The following CLCN3 variants were observed in gnomAD, a reference collection of about 807,000 sequenced individuals.
The protein encoded by CLCN3 is H(+)/Cl(-) exchange transporter 3.
Under a neutral mutation model 83.4 loss-of-function variants are expected in CLCN3, and 16 were observed. That is an observed-to-expected ratio of 0.19 (90% confidence interval 0.13 to 0.29). The LOEUF (loss-of-function observed/expected upper bound fraction) is 0.29. CLCN3 is among the 10% of genes least tolerant of loss of function. The pLI is 1.00. For synonymous variants in CLCN3, 322 were observed against 346.2 expected (o/e 0.93, Z 0.78); for missense variants, 544 against 1,006.0 (o/e 0.54, Z 6.21).
At chr4:169,712,563 T>G (rs771552428) in intron 11 of CLCN3, among the ~76,000 whole-genome samples, 1 of 152,180 alleles carries the variant, frequency 6.6e-6, no homozygotes, top group Non-Finnish European at 1.5e-5. Context: ...TCTAGAAAAT[T>G]ATACTTTAAC....
intron 2 of CLCN3, among the ~76,000 whole-genome samples, chr4:169,661,671 G>A (rs576480326): frequency 6.6e-6 from 1 of 152,122 alleles, no homozygotes; most frequent in Non-Finnish European, 1.5e-5. Context: ...CTCTTACAGA[G>A]TTACCTTCTT....
rs773618410 is a variant in CLCN3 at position 169,704,204 on chromosome 4, C to T, written c.1750+20C>T. 54 of 1,600,172 alleles carry T rather than the reference C, an allele frequency of 3.4e-5. No homozygotes were observed. The highest frequency in any genetic ancestry group is 4.1e-5 in the Non-Finnish European group (48 of 1,170,560). On this transcript the variant is annotated intron_variant, in intron 10 of 12. Transcript: ENST00000513761. ...GCTTAGGTAATATGGCTGTGTCTGC[C>T]TGTGTGTGGATGTTTGCAAGTCTGA... is the stretch of plus-strand genomic sequence containing the variant.
intron 10 of CLCN3, 47 bp from the exon 11 acceptor site, chr4:169,706,818 AATG>A: frequency 6.7e-7 from 1 of 1,492,292 alleles, no homozygotes; most frequent in East Asian, 2.3e-5. Flanking sequence ...AATAAAATGT[AATG>A]ATGAGGATCC....
At chr4:169,671,783 G>T (rs970364645) in intron 2 of CLCN3, among the ~76,000 whole-genome samples, 4 of 152,194 alleles carry the variant, frequency 2.6e-5, no homozygotes, top group African/African-American at 9.6e-5. Context: ...CAAGAAAATA[G>T]CATGGACTAA....
At chr4:169,691,289 T>C (rs967982796) in intron 6 of CLCN3, among the ~76,000 whole-genome samples, 14 of 152,272 alleles carry the variant, frequency 9.2e-5, no homozygotes, top group African/African-American at 3.4e-4. Context: ...AGTGCTGGGA[T>C]TACAGGTGTG....
Position 169,713,253 on chromosome 4 carries a change from T to C in CLCN3, c.2324T>C (p.Phe775Ser), listed in dbSNP as rs759355995. ...HTPMEIVVDIFRKLGLRQCLV... is the reference protein window; with the variant it reads ...HTPMEIVVDISRKLGLRQCLV... ...CCAATGGAGATCGTGGTGGATATTT[T>C]CCGAAAGCTGGGACTGAGGCAGTGC... Residue 775 changes from phenylalanine to serine, a missense_variant, in exon 12 of 13, where the codon TTC becomes TCC. By Grantham distance (155) the Phe-to-Ser change is radical. Coordinates refer to ENST00000513761, the MANE Select transcript of CLCN3 (RefSeq NM_001829.4). 1 of 1,614,150 alleles carries C rather than the reference T, an allele frequency of 6.2e-7. No homozygotes were observed. The highest frequency in any genetic ancestry group is 8.5e-7 in the Non-Finnish European group (1 of 1,180,006).
intron 2 of CLCN3, among the ~76,000 whole-genome samples, chr4:169,669,248 T>G (rs1731368667): frequency 6.6e-6 from 1 of 152,124 alleles, no homozygotes; most frequent in African/African-American, 2.4e-5. Flanking sequence ...ATCGTAAAAA[T>G]TAACTGGAAA....
At chr4:169,654,793 G>A (rs1174412039) in intron 2 of CLCN3, among the ~76,000 whole-genome samples, 1 of 152,094 alleles carries the variant, frequency 6.6e-6, no homozygotes, top group Non-Finnish European at 1.5e-5. Flanking sequence ...TTTTGTAAAT[G>A]TTCCATGTAT....
intron 1 of CLCN3, among the ~76,000 whole-genome samples, chr4:169,626,715 C>T (rs1224916227): frequency 6.6e-6 from 1 of 152,188 alleles, no homozygotes; most frequent in Admixed American, 6.5e-5. Context: ...CAGTGGCTTA[C>T]CTCTGTAATC....
chr4:169,708,924 A>T (rs1441479497), intron 11 of CLCN3, among the ~76,000 whole-genome samples: 2 of 149,488 alleles, frequency 1.3e-5, no homozygotes, highest in Non-Finnish European at 3.0e-5. Flanking sequence ...ACAGACCTGT[A>T]TATTAAGTTT....
At chr4:169,641,340 A>C (rs1464277050) in intron 2 of CLCN3, among the ~76,000 whole-genome samples, 1 of 152,222 alleles carries the variant, frequency 6.6e-6, no homozygotes, top group East Asian at 1.9e-4. Flanking sequence ...ATCTTGGGGC[A>C]TGTGATAACT....
At chr4:169,717,675 A>G (rs1733476352) in intron 12 of CLCN3, 1 of 580,566 alleles carries the variant, frequency 1.7e-6, no homozygotes, top group Non-Finnish European at 3.0e-6. Context: ...TCTAAAGTTC[A>G]TGAGACTCAT....
chr4:169,689,338 A>AT, intron 5 of CLCN3, 108 bp downstream of exon 5: 3 of 898,868 alleles, frequency 3.3e-6, no homozygotes, highest in Non-Finnish European at 4.9e-6. Context: ...ATACACATCA[A>AT]ATGGATCCAC....
In CLCN3 at chr4:169,722,954, C is replaced by T. The variant is rs898878923; in HGVS notation, c.*2957C>T. The T allele has an allele frequency of 4.6e-5, 7 of 152,054 alleles. No individual in the cohort carries two copies. Among genetic ancestry groups the T allele is most frequent in the Non-Finnish European group, 7.4e-5 (5 of 68,016 alleles). The allele number at this position is 152,054 out of a possible 1,614,324, so 9.4% of individuals were successfully genotyped here. On this transcript the variant is annotated 3_prime_UTR_variant, in exon 13 of 13. Transcript: ENST00000513761. ...TAAGTGTAGCGCCTTGTTTGAATAC[C>T]CTTTTTGAGAAGGTATGATGAGAAT...
chr4:169,706,791 C>T (rs751293037), intron 10 of CLCN3, 77 bp from the exon 11 acceptor site: 1 of 1,278,752 alleles, frequency 7.8e-7, no homozygotes, highest in Non-Finnish European at 1.1e-6. Context: ...GTTTTAACTG[C>T]CTAGTGCAAA....
intron 2 of CLCN3, among the ~76,000 whole-genome samples, chr4:169,636,529 G>A (rs1773506419): frequency 6.6e-6 from 1 of 152,044 alleles, no homozygotes; most frequent in South Asian, 2.1e-4. Flanking sequence ...TTTCTATCTA[G>A]ATTAATTTTG....
chr4:169,627,346 T>G (rs1262722653), intron 1 of CLCN3, among the ~76,000 whole-genome samples: 2 of 152,226 alleles, frequency 1.3e-5, no homozygotes, highest in East Asian at 1.9e-4. Flanking sequence ...TGCTAAAATA[T>G]TCCCTCTATT....
chr4:169,713,282 G>A lies in CLCN3; in HGVS notation c.2353G>A (p.Val785Ile). 3 of 1,611,918 alleles carry A rather than the reference G, an allele frequency of 1.9e-6. No individual in the cohort carries two copies. Among genetic ancestry groups the A allele is most frequent in the East Asian group, 2.2e-5 (1 of 44,868 alleles). Residue 785 changes from valine (V) to isoleucine (I), a missense_variant, in exon 12 of 13, where the codon GTA (valine) becomes ATA (isoleucine). Transcript: ENST00000513761. ...AAAGCTGGGACTGAGGCAGTGCCTT[G>A]TAACTCACAATGGGTAAGTCTGGTA... ...FRKLGLRQCL[V>I]THNGRLLGII...
At chr4:169,642,348 T>C (rs1344374941) in intron 2 of CLCN3, among the ~76,000 whole-genome samples, 2 of 152,168 alleles carry the variant, frequency 1.3e-5, no homozygotes, top group African/African-American at 4.8e-5. Flanking sequence ...AACAAAAACC[T>C]AACCAATTGT....
Sources: allele counts gnomAD v4.1 joint callset (sites outside exome capture counted in the v4.1 genomes callset), GRCh38; gene constraint gnomAD v4.1.1; transcripts MANE v1.5; gene names NCBI Gene and HGNC (gene_info 2026-07-23, HGNC 2026-07-21).